Variants in RYR1 observed in about 807,000 individuals in gnomAD.
RYR1 encodes ryanodine receptor 1.
RYR1 carries 342 observed loss-of-function variants against 583.5 expected under a neutral mutation model. The ratio of observed to expected loss-of-function variants is 0.59; its 90% confidence interval spans 0.54 to 0.64. The LOEUF (loss-of-function observed/expected upper bound fraction) is 0.64, where lower values mean the gene tolerates loss of function less well. RYR1 is among the 30% of genes least tolerant of loss of function. The pLI, the probability that RYR1 is intolerant of heterozygous loss-of-function variation, is 0.00. For synonymous variants in RYR1, 2,791 were observed against 2,822.5 expected, an observed-to-expected ratio of 0.99 and a Z score of 0.35; for missense variants, 6,032 against 6,917.2, an observed-to-expected ratio of 0.87 and a Z score of 4.54.
At chr19:38,436,313 TCCTC>T (rs1241445178) in intron 1 of RYR1, among the ~76,000 whole-genome samples, 1 of 151,984 alleles carries the variant, frequency 6.6e-6, no homozygotes, top group Admixed American at 6.6e-5. Context: ...GCTCCAGTGA[TCCTC>T]CCACCTCAGC....
chr19:38,536,570 T>A (rs1358485863), intron 82 of RYR1, among the ~76,000 whole-genome samples, 180 bp from the exon 83 acceptor site: 1 of 151,630 alleles, frequency 6.6e-6, no homozygotes, highest in African/African-American at 2.4e-5. Context: ...TCTTCCCTGC[T>A]AATCCATTTC....
chr19:38,511,671 A>G, intron 61 of RYR1, 61 bp downstream of exon 61: 3 of 1,565,956 alleles, frequency 1.9e-6, no homozygotes, highest in Non-Finnish European at 2.6e-6. Context: ...CCCTGAAGAA[A>G]TAGCTCCCAG....
At chr19:38,546,417 C>G (rs757717225) in intron 87 of RYR1, 28 bp from the exon 88 acceptor site, 1 of 1,603,614 alleles carries the variant, frequency 6.2e-7, no homozygotes, top group Non-Finnish European at 8.5e-7. Context: ...TATGCTGAGA[C>G]CAGCCCTCAC....
At chr19:38,585,671 G>A (rs1179177957) in intron 102 of RYR1, among the ~76,000 whole-genome samples, 1 of 151,544 alleles carries the variant, frequency 6.6e-6, no homozygotes, top group African/African-American at 2.4e-5. Context: ...TTAGTAGTGA[G>A]GGGGTTTCAC....
intron 93 of RYR1, 113 bp downstream of exon 93, chr19:38,568,030 A>G: frequency 7.8e-7 from 1 of 1,281,268 alleles, no homozygotes; most frequent in South Asian, 1.3e-5. Context: ...CTCGTCTCTA[A>G]GAAGAACCCT....
chr19:38,516,670 G>C (rs1036502789), intron 65 of RYR1, among the ~76,000 whole-genome samples: 1 of 152,168 alleles, frequency 6.6e-6, no homozygotes, highest in Non-Finnish European at 1.5e-5. Flanking sequence ...TGGAGACATA[G>C]GGTGAGGGGT....
intron 94 of RYR1, among the ~76,000 whole-genome samples, chr19:38,571,780 A>C (rs1004449549): frequency 1.3e-5 from 2 of 152,226 alleles, no homozygotes; most frequent in Admixed American, 6.5e-5. Flanking sequence ...TTAGGGCTCC[A>C]CTATCAAGAT....
intron 1 of RYR1, among the ~76,000 whole-genome samples, chr19:38,437,912 A>G (rs1972496667): frequency 2.0e-5 from 3 of 151,366 alleles, no homozygotes; most frequent in Admixed American, 1.3e-4. Flanking sequence ...CACTCAGCCT[A>G]GGAGTCCAAG....
At position 38,502,797 on chromosome 19, in the gene RYR1, G is replaced by GCAGGGA; in HGVS notation, c.7835+75_7835+76insACAGGG. On this transcript the variant is annotated intron_variant, in intron 48 of 105. Coordinates refer to ENST00000359596, the MANE Select transcript of RYR1 (RefSeq NM_000540.3). ...GGCAGGGGCAGGGGCAGGGGCAGGG[G>GCAGGGA]CAGGGGCAGGGGGAGGAGCAGGGGC... The GCAGGGA allele has an allele frequency of 3.8e-6, 3 of 788,934 alleles. No individual in the cohort carries two copies. The East Asian group carries it at 1.2e-4, about 30-fold the overall frequency. The allele number at this position is 788,934 out of a possible 1,614,324, so 48.9% of individuals were successfully genotyped here.
rs888305095 is a variant in RYR1 at position 38,538,453 on chromosome 19, T to C, written c.11689+493T>C. The C allele has an allele frequency of 3.9e-5, 7 of 177,254 alleles. No homozygotes were observed. In the East Asian group the frequency reaches 1.0e-3, roughly 26 times the overall value. The allele number at this position is 177,254 out of a possible 1,614,324, so 11.0% of individuals were successfully genotyped here. A position where few individuals can be genotyped will look rare whatever the true frequency, so the allele number is the denominator to read the frequency against. The stretch of plus-strand genomic sequence containing the variant: ...ATCTAGCCACTTTGTTTCCCCCTCA[T>C]CTCCTCTGGCCAGTCCAATTCCCCA... On this transcript the variant is annotated intron_variant, in intron 84 of 105. Coordinates refer to ENST00000359596, the MANE Select transcript of RYR1 (RefSeq NM_000540.3).
At chr19:38,509,799 T>A (rs1358941678) in intron 58 of RYR1, among the ~76,000 whole-genome samples, 2 of 152,320 alleles carry the variant, frequency 1.3e-5, no homozygotes, top group East Asian at 3.9e-4. Context: ...CTGTCACCAT[T>A]ATTATTGTTT....
intron 99 of RYR1, among the ~76,000 whole-genome samples, chr19:38,578,995 C>T (rs964437011): frequency 1.3e-5 from 2 of 152,084 alleles, no homozygotes; most frequent in African/African-American, 2.4e-5. Context: ...GTGGTGCACA[C>T]CTGTAGTCCC....
At chr19:38,447,202 G>A (rs982908373) in intron 9 of RYR1, among the ~76,000 whole-genome samples, 3 of 150,580 alleles carry the variant, frequency 2.0e-5, no homozygotes, top group African/African-American at 7.3e-5. Flanking sequence ...TCCAGTCTGG[G>A]TGACAGAGCA....
Position 38,477,885 on chromosome 19 carries a change from G to A in RYR1, c.4454+15G>A. 1 of 1,580,830 alleles carries A rather than the reference G, an allele frequency of 6.3e-7. No individual in the cohort carries two copies. The highest frequency in any genetic ancestry group is 8.7e-7 in the Non-Finnish European group (1 of 1,154,158). The stretch of plus-strand genomic sequence containing the variant: ...GTCCACAGCAGGTGCCGGGGCTGGG[G>A]GGAGGTGGGAGGTGCAGGGTGGGGA... On this transcript the variant is annotated intron_variant, in intron 30 of 105. Transcript: ENST00000359596.
At chr19:38,440,936 G>T in intron 2 of RYR1, 72 bp downstream of exon 2, 1 of 1,538,608 alleles carries the variant, frequency 6.5e-7, no homozygotes, top group Non-Finnish European at 8.9e-7. Context: ...GTCCAAAGAA[G>T]AGGGTTCTGG....
At chr19:38,576,020 C>T (rs879769805) in intron 97 of RYR1, 59 bp downstream of exon 97, 5 of 1,583,198 alleles carry the variant, frequency 3.2e-6, no homozygotes, top group Non-Finnish European at 4.3e-6. Flanking sequence ...ACCAGGCCAT[C>T]ACAGGCCTGC....
intron 88 of RYR1, among the ~76,000 whole-genome samples, chr19:38,547,422 G>T (rs1053661113): frequency 6.6e-6 from 1 of 151,858 alleles, no homozygotes; most frequent in Admixed American, 6.6e-5. Flanking sequence ...AGGGAGTGTG[G>T]GATCGCAGTT....
At chr19:38,484,395 T>C (rs1192951338) in intron 33 of RYR1, among the ~76,000 whole-genome samples, 4 of 139,696 alleles carry the variant, frequency 2.9e-5, no homozygotes, top group African/African-American at 1.2e-4. Flanking sequence ...TCCTTCCCTC[T>C]CTCCTTCCCT....
rs990170468 is a variant in RYR1 at position 38,481,093 on chromosome 19, G to T, written c.4621-1934G>T. On this transcript the variant is annotated intron_variant, in intron 31 of 105. Coordinates refer to ENST00000359596, the MANE Select transcript of RYR1 (RefSeq NM_000540.3). ...CTTGCTCTGTCACCCAGGCTGGTGCGCAGTGGTGCCAACCGTACTCAACCT... is the reference window on the plus strand; with the variant it reads ...CTTGCTCTGTCACCCAGGCTGGTGCTCAGTGGTGCCAACCGTACTCAACCT... 1.1e-4 allele frequency among the ~76,000 whole-genome samples: 17 copies of T among 151,748 alleles called. No individual in the cohort carries two copies. In the South Asian group the frequency reaches 3.1e-3, roughly 28 times the overall value.
Sources: allele counts gnomAD v4.1 joint callset (sites outside exome capture counted in the v4.1 genomes callset), GRCh38; gene constraint gnomAD v4.1.1; transcripts MANE v1.5; gene names NCBI Gene and HGNC (gene_info 2026-07-23, HGNC 2026-07-21).